The following NCOA3 variants were observed in gnomAD, a reference collection of about 807,000 sequenced individuals.
NCOA3 encodes the protein nuclear receptor coactivator 3.
Under a neutral mutation model 158.8 loss-of-function variants are expected in NCOA3, and 51 were observed. That is an observed-to-expected ratio of 0.32 (90% confidence interval 0.26 to 0.41). The LOEUF is 0.41. NCOA3 is among the 10% of genes least tolerant of loss of function. The pLI, the probability that NCOA3 is intolerant of heterozygous loss-of-function variation, is 1.00. For missense variants in NCOA3, 1,510 were observed against 1,746.6 expected, an observed-to-expected ratio of 0.86 and a Z score of 2.41; for synonymous variants, 537 against 592.4, an observed-to-expected ratio of 0.91 and a Z score of 1.36.
intron 1 of NCOA3, among the ~76,000 whole-genome samples, chr20:47,549,075 A>T (rs1225822997): frequency 6.6e-6 from 1 of 152,056 alleles, no homozygotes; most frequent in Non-Finnish European, 1.5e-5. Flanking sequence ...TGGGGGTCTC[A>T]CCACGTTGCC....
intron 1 of NCOA3, among the ~76,000 whole-genome samples, chr20:47,507,598 A>G (rs1258304757): frequency 6.8e-6 from 1 of 146,554 alleles, no homozygotes; most frequent in African/African-American, 2.5e-5. Context: ...TCCTTAGAGC[A>G]CCCAACAACT....
rs71183263 is a variant in NCOA3, at chr20:47,558,232, A to ATTTTTTT, written c.-98-24928_-98-24922dup. 1.8e-3 allele frequency among the ~76,000 whole-genome samples: 100 copies of ATTTTTTT among 55,522 alleles called. 7 individuals are homozygous for ATTTTTTT. The highest frequency in any genetic ancestry group is 5.0e-3 in the African/African-American group (77 of 15,482). The allele number at this position is 55,522 out of a possible 152,430, so 36.4% of individuals were successfully genotyped here. A position where few individuals can be genotyped will look rare whatever the true frequency, so the allele number is the denominator to read the frequency against. ...CACCTCCACGCCCAGCTAATTTTGTATTTTTTTTTTTTTTTTTTTTTTTTT... is the reference window on the plus strand; with the variant it reads ...CACCTCCACGCCCAGCTAATTTTGTATTTTTTTTTTTTTTTTTTTTTTTTTTTTTTTT... On this transcript the variant is annotated intron_variant, in intron 1 of 22. Coordinates refer to ENST00000371998, the MANE Select transcript of NCOA3 (RefSeq NM_181659.3).
At position 47,636,287 on chromosome 20, in the gene NCOA3, A is replaced by G; in HGVS notation, c.1901A>G (p.His634Arg). ...ACCTGTTCTTCTGATGACCGGGGTC[A>G]TTCCTCCTTGACCAACTCCCCCCTA... Reference protein sequence around the residue: ...LLTCSSDDRGHSSLTNSPLDS... With the variant: ...LLTCSSDDRGRSSLTNSPLDS... The change falls in exon 12 of 23, where the codon CAT becomes CGT. Residue 634 changes from histidine (H) to arginine (R), a missense_variant. His to Arg is a conservative substitution (Grantham distance 29). This residue lies in a region of NCOA3 where 1,017 missense variants were observed against 1,098.3 expected (regional missense o/e 0.93). Coordinates refer to ENST00000371998, the MANE Select transcript of NCOA3 (RefSeq NM_181659.3). 2 of 1,614,202 alleles carry G rather than the reference A, an allele frequency of 1.2e-6. No individual in the cohort carries two copies. Among genetic ancestry groups the G allele is most frequent in the South Asian group, 1.1e-5 (1 of 91,084 alleles).
intron 1 of NCOA3, among the ~76,000 whole-genome samples, chr20:47,509,528 A>G (rs761266880): frequency 3.9e-5 from 6 of 152,222 alleles, no homozygotes; most frequent in Non-Finnish European, 7.3e-5. Context: ...CTTTACTCTC[A>G]GTGAAATTGC....
chr20:47,590,317 G>C (rs6018567), intron 2 of NCOA3, among the ~76,000 whole-genome samples: 20,652 of 152,056 alleles, frequency 0.14, 2,025 homozygotes, highest in African/African-American at 0.26. Flanking sequence ...TGAAAAAATA[G>C]ACTTAGTTTT....
At chr20:47,617,339 A>G (rs1602492341) in intron 2 of NCOA3, among the ~76,000 whole-genome samples, 1 of 152,200 alleles carries the variant, frequency 6.6e-6, no homozygotes, top group Admixed American at 6.5e-5. Context: ...TCAACTACAT[A>G]TATTCTCCAA....
intron 19 of NCOA3, among the ~76,000 whole-genome samples, chr20:47,649,596 T>C (rs1216390815): frequency 6.6e-6 from 1 of 150,920 alleles, no homozygotes; most frequent in Non-Finnish European, 1.5e-5. Context: ...CAGCCAGTGG[T>C]GGAGACAGTA....
intron 1 of NCOA3, among the ~76,000 whole-genome samples, chr20:47,556,327 G>T (rs1405259244): frequency 6.6e-6 from 1 of 152,170 alleles, no homozygotes; most frequent in Non-Finnish European, 1.5e-5. Flanking sequence ...TGTTTATGTG[G>T]CAAGTAATTA....
chr20:47,622,188 T>C, intron 2 of NCOA3, 41 bp from the exon 3 acceptor site: 1 of 1,118,448 alleles, frequency 8.9e-7, no homozygotes, highest in Admixed American at 2.0e-5. Context: ...TCATGTATAT[T>C]TTTTAATGTA....
intron 2 of NCOA3, among the ~76,000 whole-genome samples, chr20:47,613,996 AAAC>A (rs2086090165): frequency 6.6e-6 from 1 of 152,186 alleles, no homozygotes. Context: ...GCATTGAAAG[AAAC>A]AAAGGTAGGA....
chr20:47,537,155 T>G (rs1602365552), intron 1 of NCOA3, among the ~76,000 whole-genome samples: 1 of 152,178 alleles, frequency 6.6e-6, no homozygotes, highest in South Asian at 2.1e-4. Context: ...AGATGCTGTC[T>G]GGTTTAGAGG....
rs760771862 is a variant in NCOA3, at chr20:47,636,685, A to G, written c.2299A>G (p.Ser767Gly). The change falls in exon 12 of 23, where the codon AGT (serine) becomes GGT (glycine). Residue 767 changes from serine (S) to glycine (G), a missense_variant. Physicochemically the swap from Ser to Gly is moderately conservative, Grantham distance 56 (BLOSUM62 0). Transcript: ENST00000371998. ...AGTGGAAGGAGTGGATAATAAAATG[A>G]GTCAGTGCACCAGCTCCACCATTCC... ...PQVEGVDNKMSQCTSSTIPSS... is the reference protein window; with the variant it reads ...PQVEGVDNKMGQCTSSTIPSS... 3.1e-6 allele frequency: 5 copies of G among 1,614,174 alleles called. No homozygotes were observed. The highest frequency in any genetic ancestry group is 4.2e-6 in the Non-Finnish European group (5 of 1,179,994).
At chr20:47,522,570 C>T (rs996121632) in intron 1 of NCOA3, among the ~76,000 whole-genome samples, 3 of 152,044 alleles carry the variant, frequency 2.0e-5, no homozygotes, top group Non-Finnish European at 2.9e-5. Flanking sequence ...ATATATGCAG[C>T]GGCTGGAGGA....
At chr20:47,557,538 CTG>C (rs1312851160) in intron 1 of NCOA3, among the ~76,000 whole-genome samples, 6 of 152,286 alleles carry the variant, frequency 3.9e-5, no homozygotes, top group African/African-American at 1.4e-4. Context: ...TAATCACAAA[CTG>C]TTTCTAATAT....
At chr20:47,533,702 G>A (rs1440568929) in intron 1 of NCOA3, among the ~76,000 whole-genome samples, 1 of 152,146 alleles carries the variant, frequency 6.6e-6, no homozygotes, top group African/African-American at 2.4e-5. Context: ...GTCGAGGAGG[G>A]TGGATTTCTT....
intron 1 of NCOA3, among the ~76,000 whole-genome samples, chr20:47,512,617 A>C (rs1255114651): frequency 6.6e-6 from 1 of 151,964 alleles, no homozygotes; most frequent in Non-Finnish European, 1.5e-5. Context: ...GAGACTTCAC[A>C]GAAAAAAGGT....
Position 47,622,320 on chromosome 20 carries a change from C to A in NCOA3, c.73C>A (p.Pro25Thr). 6.2e-7 allele frequency: 1 copy of A among 1,601,116 alleles called. No individual in the cohort carries two copies. The highest frequency in any genetic ancestry group is 8.5e-7 in the Non-Finnish European group (1 of 1,173,770). Residue 25 changes from proline to threonine, a missense_variant, in exon 3 of 23, where the codon CCA (proline) becomes ACA (threonine). Pro to Thr is a conservative substitution (Grantham distance 38). This residue lies in a region of NCOA3 where 309 missense variants were observed against 427.1 expected (regional missense o/e 0.72). Coordinates refer to ENST00000371998, the MANE Select transcript of NCOA3 (RefSeq NM_181659.3). ...SRKRKLPCDTPGQGLTCSGEK... is the reference protein window; with the variant it reads ...SRKRKLPCDTTGQGLTCSGEK... ...AAAACGCAAATTGCCATGTGATACT[C>A]CAGGACAAGGGTAGGTGACTTATTT...
chr20:47,561,813 ATGT>A (rs1158454904), intron 1 of NCOA3, among the ~76,000 whole-genome samples: 8 of 152,266 alleles, frequency 5.3e-5, no homozygotes, highest in African/African-American at 1.9e-4. Flanking sequence ...AATTCATAGA[ATGT>A]TGTATATTCT....
chr20:47,513,720 T>C (rs1218612454), intron 1 of NCOA3, among the ~76,000 whole-genome samples: 1 of 22,510 alleles, frequency 4.4e-5, no homozygotes, highest in Non-Finnish European at 9.2e-5. Flanking sequence ...AGACTCTGTC[T>C]CAAAAAAAAA....
Sources: gnomAD v4.1 joint callset for allele counts (sites outside exome capture counted in the v4.1 genomes callset) on GRCh38, gnomAD v4.1.1 for gene constraint, gnomAD v4.1.1 regional missense constraint, MANE v1.5 for transcripts, NCBI Gene and HGNC (gene_info 2026-07-23, HGNC 2026-07-21) for gene names.